Variants in CYP2B6 observed in about 807,000 individuals in gnomAD.
CYP2B6 encodes the protein cytochrome P450 family 2 subfamily B member 6.
A neutral mutation model predicts 43.4 loss-of-function variants in CYP2B6; 35 were observed. That is an observed-to-expected ratio of 0.81 (90% CI 0.62 to 1.07). CYP2B6 has a LOEUF of 1.07. Among genes scored for constraint, CYP2B6 ranks in the 50% least tolerant of loss-of-function variants. CYP2B6 has a pLI of 0.00. For missense variants in CYP2B6, 624 were observed against 632.8 expected (o/e 0.99, Z 0.15); for synonymous variants, 239 against 239.2 (o/e 1.00, Z 0.01).
chr19:40,993,792 G>A (rs928699146), intron 1 of CYP2B6, among the ~76,000 whole-genome samples: 16 of 152,060 alleles, frequency 1.1e-4, no homozygotes, highest in Admixed American at 2.6e-4. Context: ...AGTGTCAGCC[G>A]CATTTTAAAT....
intron 5 of CYP2B6, 114 bp from the exon 6 acceptor site, chr19:41,009,880 C>T: frequency 7.9e-7 from 1 of 1,268,272 alleles, no homozygotes; most frequent in Non-Finnish European, 1.1e-6. Context: ...CAAACTGGGC[C>T]AGATAGTGTC....
intron 1 of CYP2B6, among the ~76,000 whole-genome samples, chr19:40,992,732 C>A (rs1233807428): frequency 6.6e-6 from 1 of 152,064 alleles, no homozygotes; most frequent in Non-Finnish European, 1.5e-5. Flanking sequence ...GTTGCCCAGA[C>A]TGGTCTTAAA....
intron 4 of CYP2B6, 108 bp from the exon 5 acceptor site, chr19:41,009,111 G>A: frequency 1.2e-6 from 1 of 832,740 alleles, no homozygotes; most frequent in East Asian, 2.5e-5. Context: ...GCAGAGGGGA[G>A]TGGGGAAGTG....
rs764180145 is a variant in CYP2B6, at chr19:41,016,767, C to A, written c.1416C>A (p.Pro472=). The A allele has an allele frequency of 1.2e-5, 20 of 1,614,076 alleles. No individual in the cohort carries two copies. The highest frequency in any genetic ancestry group is 1.7e-5 in the Non-Finnish European group (20 of 1,180,034). The stretch of plus-strand genomic sequence containing the variant: ...CCCCAGAAGACATCGATCTGACACC[C>A]CAGGAGTGTGGTGTGGGCAAAATAC... ...PVAPEDIDLT[P]QECGVGKIPP... Residue 472 remains proline (P), a synonymous_variant, in exon 9 of 9, where the codon CCC becomes CCA. Transcript: ENST00000324071.
At chr19:40,997,240 T>C (rs1161198963) in intron 1 of CYP2B6, among the ~76,000 whole-genome samples, 2 of 151,988 alleles carry the variant, frequency 1.3e-5, no homozygotes, top group Admixed American at 6.6e-5. Context: ...TAGTGCCCTA[T>C]ACCGGTAACT....
intron 8 of CYP2B6, among the ~76,000 whole-genome samples, chr19:41,016,435 GA>G (rs1969367188): frequency 7.1e-4 from 68 of 95,230 alleles, no homozygotes; most frequent in African/African-American, 2.5e-3. Context: ...AAAAAAAAAA[GA>G]GAGAGAGAGA....
intron 1 of CYP2B6, among the ~76,000 whole-genome samples, chr19:41,000,691 A>T (rs1277446933): frequency 6.6e-6 from 1 of 152,134 alleles, no homozygotes; most frequent in Non-Finnish European, 1.5e-5. Context: ...GGGATTTTCC[A>T]GGTGTCATTT....
intron 1 of CYP2B6, among the ~76,000 whole-genome samples, chr19:40,999,996 CCCTT>C (rs1235741436): frequency 6.6e-6 from 1 of 152,126 alleles, no homozygotes; most frequent in Non-Finnish European, 1.5e-5. Context: ...TTGACCCTCT[CCCTT>C]CCTTTATTGC....
intron 1 of CYP2B6, among the ~76,000 whole-genome samples, chr19:40,998,557 A>G (rs1484174498): frequency 3.0e-5 from 4 of 132,868 alleles, no homozygotes; most frequent in Admixed American, 2.2e-4. Context: ...ATATCTCCCA[A>G]TGCTATCCCT....
At chr19:41,012,871 A>T in intron 8 of CYP2B6, 56 bp downstream of exon 8, 1 of 1,591,672 alleles carries the variant, frequency 6.3e-7, no homozygotes, top group South Asian at 1.1e-5. Context: ...ACTATCCCCA[A>T]CTTGAGAAAA....
intron 4 of CYP2B6, 21 bp downstream of exon 4, chr19:41,007,086 CA>C (rs774617969): frequency 1.8e-4 from 296 of 1,613,572 alleles, no homozygotes; most frequent in Non-Finnish European, 2.2e-4. Flanking sequence ...CGGAGAGGGA[CA>C]GGGGGTGTGG....
At chr19:41,013,582 TGCA>T (rs1374116841) in intron 8 of CYP2B6, among the ~76,000 whole-genome samples, 1 of 149,194 alleles carries the variant, frequency 6.7e-6, no homozygotes, top group Non-Finnish European at 1.5e-5. Context: ...GGGTGTAGAT[TGCA>T]GAAGGAAATA....
At chr19:41,005,355 TG>T (rs1969160830) in intron 3 of CYP2B6, among the ~76,000 whole-genome samples, 1 of 152,016 alleles carries the variant, frequency 6.6e-6, no homozygotes, top group Non-Finnish European at 1.5e-5. Context: ...GACTCTGGGA[TG>T]TAAATGCAGA....
In CYP2B6 at chr19:41,012,299, G is replaced by A. The variant is rs187378204; in HGVS notation, c.966G>A (p.Glu322=). 6.2e-7 allele frequency: 1 copy of A among 1,613,904 alleles called. No individual in the cohort carries two copies. Among genetic ancestry groups the A allele is most frequent in the Non-Finnish European group, 8.5e-7 (1 of 1,179,972 alleles). Residue 322 remains glutamate (E), a splice_region_variant and synonymous_variant, in exon 7 of 9, where the codon GAG becomes GAA. Transcript: ENST00000324071. ...LLMLKYPHVA[E]RVYREIEQVI... is the part of the protein sequence containing the mutation. ...TCATTGGTCTTCTTTTCTGTACAGA[G>A]AGAGTCTACAGGGAGATTGAACAGG... is the stretch of plus-strand genomic sequence containing the variant.
At chr19:40,998,562 A>AT (rs1969032175) in intron 1 of CYP2B6, among the ~76,000 whole-genome samples, 1 of 125,704 alleles carries the variant, frequency 8.0e-6, no homozygotes, top group Admixed American at 7.9e-5. Context: ...TCCCAATGCT[A>AT]TCCCTCCCCC....
At chr19:41,002,842 T>C (rs1305463302) in intron 1 of CYP2B6, among the ~76,000 whole-genome samples, 1 of 152,238 alleles carries the variant, frequency 6.6e-6, no homozygotes, top group Non-Finnish European at 1.5e-5. Flanking sequence ...TCACCACGCC[T>C]GGCCCTGTGT....
chr19:40,999,854 A>G (rs1242251690), intron 1 of CYP2B6, among the ~76,000 whole-genome samples: 1 of 151,744 alleles, frequency 6.6e-6, no homozygotes, highest in Non-Finnish European at 1.5e-5. Flanking sequence ...ATGCCCCACT[A>G]TTTATTTTTG....
chr19:41,001,583 C>T (rs1212032767), intron 1 of CYP2B6, among the ~76,000 whole-genome samples: 1 of 152,062 alleles, frequency 6.6e-6, no homozygotes, highest in African/African-American at 2.4e-5. Flanking sequence ...AGAATGTGTG[C>T]CCCTAAGGTG....
intron 3 of CYP2B6, among the ~76,000 whole-genome samples, chr19:41,004,995 T>TCAAACAAA (rs528497145): frequency 6.6e-6 from 1 of 152,084 alleles, no homozygotes; most frequent in African/African-American, 2.4e-5. Context: ...AGATCCTGTC[T>TCAAACAAA]CAAACAAACA....
Sources: gnomAD v4.1 joint callset for allele counts (sites outside exome capture counted in the v4.1 genomes callset) on GRCh38, gnomAD v4.1.1 for gene constraint, MANE v1.5 for transcripts, NCBI Gene and HGNC (gene_info 2026-07-23, HGNC 2026-07-21) for gene names.